DOCK1: variants seen among roughly 807,000 people sequenced by gnomAD.
DOCK1 encodes dedicator of cytokinesis protein 1.
In DOCK1, 138 loss-of-function variants were observed where a neutral mutation model predicts 262.7. That is an observed-to-expected ratio of 0.53 (90% CI 0.46 to 0.61). DOCK1 has a LOEUF of 0.61. Among genes scored for constraint, DOCK1 ranks in the 20% least tolerant of loss-of-function variants. DOCK1 has a pLI of 0.00. For synonymous variants in DOCK1, 866 were observed against 867.4 expected (o/e 1.00, Z 0.03); for missense variants, 1,908 against 2,370.7 (o/e 0.80, Z 4.05).
chr10:127,234,018 C>T (rs1314947041), intron 27 of DOCK1, among the ~76,000 whole-genome samples: 3 of 152,086 alleles, frequency 2.0e-5, no homozygotes, highest in Non-Finnish European at 2.9e-5. Context: ...TATAGCTGAT[C>T]CTGAGGTTAG....
chr10:127,222,657 T>C (rs2058483017), intron 27 of DOCK1, among the ~76,000 whole-genome samples: 1 of 151,586 alleles, frequency 6.6e-6, no homozygotes, highest in African/African-American at 2.4e-5. Flanking sequence ...TGTTGTGTTG[T>C]GTTGTGTTGT....
At chr10:126,944,404 A>T (rs975398302) in intron 1 of DOCK1, among the ~76,000 whole-genome samples, 188 of 152,160 alleles carry the variant, frequency 1.2e-3, no homozygotes, top group African/African-American at 4.3e-3. Flanking sequence ...TGAACCTTGC[A>T]AGCGGACCTG....
At chr10:127,010,264 C>T (rs909170241) in intron 11 of DOCK1, among the ~76,000 whole-genome samples, 5 of 152,056 alleles carry the variant, frequency 3.3e-5, no homozygotes, top group South Asian at 2.1e-4. Flanking sequence ...GTCAGGAGTT[C>T]GAGACCAGCC....
chr10:127,317,241 C>T (rs574557891), intron 29 of DOCK1, among the ~76,000 whole-genome samples: 1 of 152,324 alleles, frequency 6.6e-6, no homozygotes, highest in Admixed American at 6.5e-5. Context: ...AAGTTAAAAA[C>T]AGCCCTGGCC....
intron 31 of DOCK1, among the ~76,000 whole-genome samples, chr10:127,345,638 G>A (rs968127179): frequency 3.3e-5 from 5 of 152,110 alleles, no homozygotes; most frequent in African/African-American, 9.7e-5. Flanking sequence ...AATGGTGTAG[G>A]CAGAGTGGGT....
At chr10:127,311,607 G>C (rs1245044283) in intron 29 of DOCK1, among the ~76,000 whole-genome samples, 2 of 152,162 alleles carry the variant, frequency 1.3e-5, no homozygotes, top group Non-Finnish European at 2.9e-5. Flanking sequence ...AACACTTCTG[G>C]TTTTAAGCAT....
chr10:127,163,977 A>C (rs1391941707), intron 27 of DOCK1, among the ~76,000 whole-genome samples: 1 of 151,752 alleles, frequency 6.6e-6, no homozygotes, highest in Non-Finnish European at 1.5e-5. Context: ...CTGTTAGGGA[A>C]GTTTTAATGC....
chr10:127,181,889 G>A (rs1324568853), intron 27 of DOCK1, among the ~76,000 whole-genome samples: 2 of 152,226 alleles, frequency 1.3e-5, no homozygotes, highest in Admixed American at 6.5e-5. Flanking sequence ...GGCAAAGCCA[G>A]CTGCCATAGA....
Position 127,381,360 on chromosome 10 carries a change from C to T in DOCK1, c.3799C>T (p.Leu1267Phe), listed in dbSNP as rs778383052. 1.2e-6 allele frequency: 2 copies of T among 1,610,966 alleles called. No individual in the cohort carries two copies. The highest frequency in any genetic ancestry group is 1.7e-6 in the Non-Finnish European group (2 of 1,177,974). ...TTACACCTTGCTTCTCCATGCAAAGCTTCTTAAGGTAATGTCAATTACCAG... is the reference window on the plus strand; with the variant it reads ...TTACACCTTGCTTCTCCATGCAAAGTTTCTTAAGGTAATGTCAATTACCAG... ...AAYTLLLHAK[L>F]LKWSEDVCVA... The change falls in exon 37 of 52, where the codon CTT (leucine) becomes TTT (phenylalanine). Residue 1267 changes from leucine to phenylalanine, a missense_variant. Leu to Phe is a conservative substitution (Grantham distance 22). Coordinates refer to ENST00000623213, the MANE Select transcript of DOCK1 (RefSeq NM_001290223.2).
intron 23 of DOCK1, among the ~76,000 whole-genome samples, chr10:127,078,345 T>G (rs913543932): frequency 6.6e-6 from 1 of 152,174 alleles, no homozygotes; most frequent in Admixed American, 6.5e-5. Context: ...TTCAGAGTTT[T>G]GTGGCTCTTA....
chr10:126,997,444 G>A (rs1026600981), intron 7 of DOCK1, among the ~76,000 whole-genome samples: 10 of 152,038 alleles, frequency 6.6e-5, no homozygotes, highest in African/African-American at 1.4e-4. Context: ...GGTGGAAGGC[G>A]AAGTGGGAGC....
Position 127,418,455 on chromosome 10 carries a change from C to A in DOCK1, c.4606C>A (p.Pro1536Thr), listed in dbSNP as rs1188826384. Residue 1536 changes from proline (P) to threonine (T), a missense_variant, in exon 45 of 52, where the codon CCC becomes ACC. Physicochemically the swap from Pro to Thr is conservative, Grantham distance 38 (BLOSUM62 -1). Coordinates refer to ENST00000623213, the MANE Select transcript of DOCK1 (RefSeq NM_001290223.2). ...NSMVQQHLDD[P>T]SLPINPLSML... ...CATGGTGCAGCAGCACCTGGATGAC[C>A]CCAGCCTGCCCATCAACCCGCTCTC... 1.2e-6 allele frequency: 2 copies of A among 1,614,054 alleles called. No homozygotes were observed. The highest frequency in any genetic ancestry group is 2.2e-5 in the East Asian group (1 of 44,864).
intron 29 of DOCK1, among the ~76,000 whole-genome samples, chr10:127,309,115 T>C (rs2061973869): frequency 6.6e-6 from 1 of 152,204 alleles, no homozygotes; most frequent in Non-Finnish European, 1.5e-5. Flanking sequence ...CTTGACTTTT[T>C]AATAATCGCC....
intron 27 of DOCK1, among the ~76,000 whole-genome samples, chr10:127,196,887 G>A (rs1315453339): frequency 6.6e-6 from 1 of 152,056 alleles, no homozygotes; most frequent in Non-Finnish European, 1.5e-5. Flanking sequence ...GGAGCAGCTG[G>A]CGGGCGGGGG....
At chr10:127,230,295 C>T (rs971455314) in intron 27 of DOCK1, among the ~76,000 whole-genome samples, 7 of 152,166 alleles carry the variant, frequency 4.6e-5, no homozygotes, top group Admixed American at 1.3e-4. Flanking sequence ...CTATTTTTAG[C>T]CTTATTTTTT....
At chr10:127,146,103 A>T in intron 27 of DOCK1, 2 of 507,256 alleles carry the variant, frequency 3.9e-6, no homozygotes, top group Non-Finnish European at 7.8e-6. Context: ...CTCCATACTC[A>T]TCTAAACATG....
chr10:127,386,843 G>A (rs963601107), intron 38 of DOCK1, among the ~76,000 whole-genome samples: 2 of 152,218 alleles, frequency 1.3e-5, no homozygotes, highest in Non-Finnish European at 2.9e-5. Flanking sequence ...GACCGCTGCT[G>A]TAGTGGAACA....
At chr10:126,957,228 A>G in intron 1 of DOCK1, among the ~76,000 whole-genome samples, 1 of 152,268 alleles carries the variant, frequency 6.6e-6, no homozygotes, top group South Asian at 2.1e-4. Flanking sequence ...AAAGAAACCA[A>G]ATATTTTTTG....
intron 27 of DOCK1, among the ~76,000 whole-genome samples, chr10:127,222,866 T>G (rs2058493315): frequency 7.2e-6 from 1 of 138,012 alleles, no homozygotes. Context: ...TTGTGGAGAT[T>G]AGGTCTCACT....
Sources: allele counts gnomAD v4.1 joint callset (sites outside exome capture counted in the v4.1 genomes callset), GRCh38; gene constraint gnomAD v4.1.1; transcripts MANE v1.5; gene names NCBI Gene and HGNC (gene_info 2026-07-23, HGNC 2026-07-21).